CSMD1: variants seen among roughly 807,000 people sequenced by gnomAD.
CSMD1 encodes CUB and Sushi multiple domains 1.
Under a neutral mutation model 417.5 loss-of-function variants are expected in CSMD1, and 213 were observed. The observed-to-expected ratio is 0.51, with a 90% CI of 0.46 to 0.57. CSMD1 has a LOEUF of 0.57. CSMD1 is among the 20% of genes least tolerant of loss of function. The probability of loss-of-function intolerance (pLI) is 0.00; values close to 1 mark genes in which losing one functional copy is unlikely to be tolerated. For missense variants in CSMD1, 6,923 were observed against 4,529.7 expected (o/e 1.53, Z -15.17); for synonymous variants, 2,862 against 1,736.8 (o/e 1.65, Z -16.11).
chr8:3,650,652 C>T (rs555588245), intron 7 of CSMD1, among the ~76,000 whole-genome samples: 1 of 152,292 alleles, frequency 6.6e-6, no homozygotes, highest in East Asian at 1.9e-4. Flanking sequence ...AGAACACTAC[C>T]ATCACGCTAT....
At chr8:4,042,284 T>G (rs1294999936) in intron 3 of CSMD1, among the ~76,000 whole-genome samples, 1 of 152,082 alleles carries the variant, frequency 6.6e-6, no homozygotes, top group Admixed American at 6.6e-5. Flanking sequence ...AAAGCATCCC[T>G]ACTAGTGGGG....
chr8:4,032,216 AG>A (rs1455756341), intron 3 of CSMD1, 117 bp from the exon 4 acceptor site: 1 of 674,334 alleles, frequency 1.5e-6, no homozygotes. Context: ...CTCTAGCATC[AG>A]AAAAATATTA....
intron 35 of CSMD1, 123 bp downstream of exon 35, chr8:3,188,756 CCAGTATAA>C (rs151231665): frequency 0.18 from 124,227 of 691,706 alleles, 10,599 homozygotes; most frequent in Admixed American, 0.21. Flanking sequence ...TTTAAAATAA[CCAGTATAA>C]AAGGAAAAAA....
rs770151869 is a variant in CSMD1, at chr8:3,284,183, A to C, written c.4114T>G (p.Phe1372Val). Residue 1372 changes from phenylalanine to valine, a missense_variant, in exon 26 of 70, where the codon TTC (phenylalanine) becomes GTC (valine). Phe to Val is a conservative substitution (Grantham distance 50). Transcript: ENST00000635120. ...GAGAAGCCAGACTTGCTGATGAAGA[A>C]GTCGCTGTCGAACTGCAGGGTGAGT... ...NSLTLQFDSD[F>V]FISKSGFSIQ... The C allele has an allele frequency of 6.3e-7, 1 of 1,592,246 alleles. No homozygotes were observed. Among genetic ancestry groups the C allele is most frequent in the Non-Finnish European group, 8.5e-7 (1 of 1,169,624 alleles).
intron 12 of CSMD1, among the ~76,000 whole-genome samples, chr8:3,449,868 G>A (rs893606892): frequency 6.6e-5 from 10 of 152,100 alleles, no homozygotes; most frequent in Non-Finnish European, 8.8e-5. Context: ...TAAGCCTCAC[G>A]TTGTAAAGTT....
intron 10 of CSMD1, among the ~76,000 whole-genome samples, chr8:3,559,753 A>G (rs755414939): frequency 6.6e-6 from 1 of 152,192 alleles, no homozygotes; most frequent in Non-Finnish European, 1.5e-5. Context: ...TGAAAAGTAC[A>G]TTTCAAATTT....
At chr8:4,173,139 T>C (rs569116120) in intron 3 of CSMD1, among the ~76,000 whole-genome samples, 3 of 152,232 alleles carry the variant, frequency 2.0e-5, no homozygotes, top group Admixed American at 6.5e-5. Context: ...GCAACAAGTA[T>C]AGGGTTGCTA....
chr8:4,228,605 T>TTC (rs1491326364), intron 3 of CSMD1, among the ~76,000 whole-genome samples: 2 of 150,810 alleles, frequency 1.3e-5, no homozygotes, highest in Admixed American at 1.3e-4. Flanking sequence ...TTTTTTTTTT[T>TTC]CCTACCCTCA....
chr8:4,395,279 A>G (rs999514624), intron 3 of CSMD1, among the ~76,000 whole-genome samples: 1 of 152,146 alleles, frequency 6.6e-6, no homozygotes, highest in Non-Finnish European at 1.5e-5. Context: ...AACTACCACA[A>G]AGAAGGGCTT....
At chr8:3,574,683 G>C (rs1410249922) in intron 10 of CSMD1, among the ~76,000 whole-genome samples, 2 of 152,182 alleles carry the variant, frequency 1.3e-5, no homozygotes, top group Non-Finnish European at 2.9e-5. Flanking sequence ...ATAAGAGAAA[G>C]CACTATGATA....
intron 26 of CSMD1, among the ~76,000 whole-genome samples, chr8:3,232,374 T>A (rs991249379): frequency 7.9e-5 from 12 of 152,244 alleles, no homozygotes; most frequent in African/African-American, 2.9e-4. Flanking sequence ...TCCCCCTTGC[T>A]TGTATTATGT....
At chr8:3,558,847 TC>T (rs1158095618) in intron 10 of CSMD1, among the ~76,000 whole-genome samples, 2 of 148,926 alleles carry the variant, frequency 1.3e-5, no homozygotes, top group African/African-American at 5.1e-5. Flanking sequence ...GAATGGTGTC[TC>T]AGTAGTACCC....
intron 17 of CSMD1, among the ~76,000 whole-genome samples, chr8:3,393,642 T>C (rs1563341775): frequency 6.6e-6 from 1 of 151,924 alleles, no homozygotes; most frequent in Non-Finnish European, 1.5e-5. Context: ...ATATACACAA[T>C]GGAATAGTAT....
chr8:4,067,386 G>T (rs532219583), intron 3 of CSMD1, among the ~76,000 whole-genome samples: 1 of 152,234 alleles, frequency 6.6e-6, no homozygotes, highest in East Asian at 1.9e-4. Flanking sequence ...CTGGATTTTG[G>T]TAGAAAAACA....
At chr8:4,415,952 A>G (rs181583390) in intron 3 of CSMD1, among the ~76,000 whole-genome samples, 3 of 152,318 alleles carry the variant, frequency 2.0e-5, no homozygotes, top group East Asian at 1.9e-4. Flanking sequence ...CCTAGCAGCC[A>G]TGGGATCTCG....
chr8:4,138,626 G>GCCA (rs1803585762), intron 3 of CSMD1, among the ~76,000 whole-genome samples: 2 of 151,770 alleles, frequency 1.3e-5, no homozygotes, highest in Admixed American at 6.6e-5. Flanking sequence ...TTAAACAAAG[G>GCCA]AAAAAACATC....
At chr8:3,427,982 G>A (rs191684411) in intron 12 of CSMD1, among the ~76,000 whole-genome samples, 1 of 152,140 alleles carries the variant, frequency 6.6e-6, no homozygotes, top group Non-Finnish European at 1.5e-5. Flanking sequence ...TTTAGAAAAT[G>A]GAATTAAGCC....
intron 1 of CSMD1, among the ~76,000 whole-genome samples, chr8:4,912,833 T>G (rs1449178767): frequency 6.6e-6 from 1 of 152,028 alleles, no homozygotes; most frequent in Non-Finnish European, 1.5e-5. Context: ...TCTCCTAGAC[T>G]AGAGTGCAGT....
intron 3 of CSMD1, among the ~76,000 whole-genome samples, chr8:4,373,758 A>C (rs1390512360): frequency 6.6e-6 from 1 of 152,202 alleles, no homozygotes; most frequent in South Asian, 2.1e-4. Context: ...TCTTATTATC[A>C]GGTTCTCCCT....
Sources: allele counts gnomAD v4.1 joint callset (sites outside exome capture counted in the v4.1 genomes callset), GRCh38; gene constraint gnomAD v4.1.1; transcripts MANE v1.5; gene names NCBI Gene and HGNC (gene_info 2026-07-23, HGNC 2026-07-21).